The following PKNOX2 variants were observed in gnomAD, a reference collection of about 807,000 sequenced individuals.
PKNOX2 encodes homeobox protein PKNOX2.
Under a neutral mutation model 53.1 loss-of-function variants are expected in PKNOX2, and 14 were observed. That is an observed-to-expected ratio of 0.26 (90% confidence interval 0.17 to 0.41). The LOEUF (loss-of-function observed/expected upper bound fraction) is 0.41, where lower values mean the gene tolerates loss of function less well. Ranked by LOEUF, PKNOX2 falls within the 10% of genes least tolerant of loss-of-function variation. The pLI is 1.00. For missense variants in PKNOX2, 496 were observed against 602.8 expected, an observed-to-expected ratio of 0.82 and a Z score of 1.85; for synonymous variants, 257 against 242.8, an observed-to-expected ratio of 1.06 and a Z score of -0.54.
chr11:125,314,445 C>T (rs905378530), intron 2 of PKNOX2, among the ~76,000 whole-genome samples: 1 of 152,138 alleles, frequency 6.6e-6, no homozygotes, highest in African/African-American at 2.4e-5. Flanking sequence ...TCAGAGCTCG[C>T]GTCCAGATGG....
At position 125,183,317 on chromosome 11, in the gene PKNOX2, C is replaced by T. The variant is rs535642667; in HGVS notation, c.-201+18541C>T. Reference sequence around the variant, plus strand: ...CTGCAAGCTCCGCTTCCCGGGTTCACGCCATTCTCCTGCCTCAGCCTCCCG... The same window carrying T: ...CTGCAAGCTCCGCTTCCCGGGTTCATGCCATTCTCCTGCCTCAGCCTCCCG... On this transcript the variant is annotated intron_variant, in intron 1 of 12. Coordinates refer to ENST00000298282, the MANE Select transcript of PKNOX2 (RefSeq NM_001382323.2). Among the ~76,000 whole-genome samples the T allele has an allele frequency of 6.7e-5, 6 of 89,036 alleles. 2 individuals carry two copies. The highest frequency in any genetic ancestry group is 1.3e-4 in the Non-Finnish European group (5 of 39,928). The allele number at this position is 89,036 out of a possible 152,430, so 58.4% of individuals were successfully genotyped here.
chr11:125,389,724 G>C (rs1953911817), intron 6 of PKNOX2, among the ~76,000 whole-genome samples: 1 of 152,194 alleles, frequency 6.6e-6, no homozygotes, highest in African/African-American at 2.4e-5. Context: ...GCAGGGCCAA[G>C]GTTTTATATA....
At chr11:125,342,731 G>T (rs569647623) in intron 3 of PKNOX2, among the ~76,000 whole-genome samples, 1 of 152,134 alleles carries the variant, frequency 6.6e-6, no homozygotes, top group South Asian at 2.1e-4. Flanking sequence ...CTGTTTCTCT[G>T]TGAGTGTGTG....
chr11:125,283,491 T>C (rs77106235), intron 2 of PKNOX2, among the ~76,000 whole-genome samples: 8,644 of 152,204 alleles, frequency 0.057, 790 homozygotes, highest in African/African-American at 0.19. Flanking sequence ...CAGAAATAAT[T>C]GAAATATATG....
At position 125,411,075 on chromosome 11, in the gene PKNOX2, T is replaced by A. The variant is rs549946563; in HGVS notation, c.816+199T>A. On this transcript the variant is annotated intron_variant, in intron 9 of 12. Transcript: ENST00000298282. ...AACTCCTGGGATTTTGCTGCCTCCC[T>A]CCTGGGGTTACATCAAAGGATCCTG... 258 of 550,424 alleles carry A rather than the reference T, an allele frequency of 4.7e-4. 3 individuals carry two copies. The South Asian group carries it at 5.2e-3, about 11-fold the overall frequency. The allele number at this position is 550,424 out of a possible 1,614,324, so 34.1% of individuals were successfully genotyped here.
At chr11:125,329,796 G>C (rs1051529647) in intron 2 of PKNOX2, among the ~76,000 whole-genome samples, 1 of 152,248 alleles carries the variant, frequency 6.6e-6, no homozygotes, top group Admixed American at 6.5e-5. Flanking sequence ...AGTGTTGTGA[G>C]TGGTTGGAGA....
At chr11:125,411,554 C>A in intron 9 of PKNOX2, 192 bp from the exon 10 acceptor site, 1 of 574,360 alleles carries the variant, frequency 1.7e-6, no homozygotes. Context: ...TTCCCTTCTC[C>A]CATCACCCAA....
At chr11:125,385,188 C>T (rs1410884067) in intron 5 of PKNOX2, among the ~76,000 whole-genome samples, 2 of 152,240 alleles carry the variant, frequency 1.3e-5, no homozygotes, top group Non-Finnish European at 2.9e-5. Flanking sequence ...TCTCTGGACA[C>T]TCCCCACATT....
At chr11:125,261,586 G>C (rs1437118791) in intron 2 of PKNOX2, among the ~76,000 whole-genome samples, 1 of 152,142 alleles carries the variant, frequency 6.6e-6, no homozygotes, top group African/African-American at 2.4e-5. Flanking sequence ...GTAGGCTCAG[G>C]GTTGCTCATC....
chr11:125,222,862 G>T (rs1941355716), intron 1 of PKNOX2, among the ~76,000 whole-genome samples: 1 of 152,050 alleles, frequency 6.6e-6, no homozygotes, highest in Non-Finnish European at 1.5e-5. Flanking sequence ...CTTGCTTTCT[G>T]CATTGTTGGG....
chr11:125,269,716 G>A (rs373510095), intron 2 of PKNOX2, among the ~76,000 whole-genome samples: 2 of 152,178 alleles, frequency 1.3e-5, no homozygotes, highest in East Asian at 1.9e-4. Flanking sequence ...ATAGAATGGG[G>A]CAAGGGTGGT....
chr11:125,343,085 C>G (rs922497896), intron 3 of PKNOX2, among the ~76,000 whole-genome samples: 1 of 151,970 alleles, frequency 6.6e-6, no homozygotes, highest in African/African-American at 2.4e-5. Flanking sequence ...CACCCCAGGG[C>G]AGCAGCTGTG....
intron 3 of PKNOX2, among the ~76,000 whole-genome samples, chr11:125,340,803 G>A (rs1950642393): frequency 6.6e-6 from 1 of 152,108 alleles, no homozygotes; most frequent in African/African-American, 2.4e-5. Context: ...CGTAATCCCA[G>A]CACTTTGGGA....
intron 2 of PKNOX2, among the ~76,000 whole-genome samples, chr11:125,300,856 C>A (rs555178832): frequency 7.4e-4 from 113 of 152,228 alleles, no homozygotes; most frequent in Non-Finnish European, 1.2e-3. Context: ...GAACACACTA[C>A]TTGGCATGTT....
In PKNOX2 at chr11:125,422,071, G is replaced by A. The variant is rs527582127; in HGVS notation, c.937-6941G>A. 6.6e-6 allele frequency among the ~76,000 whole-genome samples: 1 copy of A among 152,254 alleles called. No individual in the cohort carries two copies. The highest frequency in any genetic ancestry group is 6.5e-5 in the Admixed American group (1 of 15,296). On this transcript the variant is annotated intron_variant, in intron 10 of 12. Transcript: ENST00000298282. The surrounding 1 kb of genome is among the most constrained non-coding windows in gnomAD (Gnocchi z 4.1). ...GGATTGGGTAGGAAGAGAAAAAGGA[G>A]GGGTCATTTTGGATGACAATTATCT...
intron 2 of PKNOX2, among the ~76,000 whole-genome samples, chr11:125,278,438 G>T (rs138897448): frequency 6.6e-6 from 1 of 152,304 alleles, no homozygotes; most frequent in Admixed American, 6.5e-5. Context: ...AAGGCAGTGG[G>T]AGCAGCCTGG....
Position 125,199,321 on chromosome 11 carries a change from C to T in PKNOX2, c.-201+34545C>T, listed in dbSNP as rs533893417. Among the ~76,000 whole-genome samples, 367 of 152,256 alleles carry T rather than the reference C, an allele frequency of 2.4e-3. 3 individuals are homozygous for T. The highest frequency in any genetic ancestry group is 8.4e-3 in the African/African-American group (351 of 41,544). On this transcript the variant is annotated intron_variant, in intron 1 of 12. Coordinates refer to ENST00000298282, the MANE Select transcript of PKNOX2 (RefSeq NM_001382323.2). ...TTCAGTGAGGGGGAGAACGGCTGCT[C>T]CCACCATTGCCCAGGTACCCCCTTC...
At chr11:125,258,904 C>T in intron 2 of PKNOX2, 1 of 384,048 alleles carries the variant, frequency 2.6e-6, no homozygotes, top group Non-Finnish European at 5.3e-6. Flanking sequence ...GCTGCAGCCT[C>T]AGCCTCAGCT....
chr11:125,322,561 G>T (rs527732729), intron 2 of PKNOX2, among the ~76,000 whole-genome samples: 49 of 152,306 alleles, frequency 3.2e-4, no homozygotes, highest in African/African-American at 1.0e-3. Flanking sequence ...TCTCGTGGGG[G>T]TTTAATCCTG....
Sources: gnomAD v4.1 joint callset for allele counts (sites outside exome capture counted in the v4.1 genomes callset) on GRCh38, gnomAD v4.1.1 for gene constraint, Gnocchi (gnomAD v3.1) non-coding constraint, MANE v1.5 for transcripts, NCBI Gene and HGNC (gene_info 2026-07-23, HGNC 2026-07-21) for gene names.